The following HRH1 variants were observed in gnomAD, a reference collection of about 807,000 sequenced individuals.
The protein encoded by HRH1 is histamine receptor H1.
HRH1 carries 6 observed loss-of-function variants against 10.3 expected under a neutral mutation model. The observed-to-expected ratio is 0.58, with a 90% CI of 0.32 to 1.15. HRH1 has a LOEUF of 1.15. Ranked by LOEUF, HRH1 falls within the 50% of genes most tolerant of loss-of-function variation. The pLI is 0.05. For missense variants in HRH1, 514 were observed against 615.3 expected (o/e 0.84, Z 1.74); for synonymous variants, 242 against 236.7 (o/e 1.02, Z -0.21).
At chr3:11,224,715 A>C (rs1187037963) in intron 1 of HRH1, among the ~76,000 whole-genome samples, 2 of 149,592 alleles carry the variant, frequency 1.3e-5, no homozygotes, top group African/African-American at 2.4e-5. Flanking sequence ...AAAAAAAAAA[A>C]AGAAATTGGA....
intron 1 of HRH1, among the ~76,000 whole-genome samples, chr3:11,205,383 T>C (rs1283709739): frequency 6.6e-6 from 1 of 152,174 alleles, no homozygotes; most frequent in Non-Finnish European, 1.5e-5. Flanking sequence ...AGCAGTTCTC[T>C]GGAAACAGAC....
intron 1 of HRH1, among the ~76,000 whole-genome samples, chr3:11,179,005 C>CG (rs530460458): frequency 2.1e-4 from 32 of 152,088 alleles, no homozygotes; most frequent in Non-Finnish European, 3.7e-4. Context: ...GAAAGTCAGC[C>CG]GGGGGGACAC....
At chr3:11,248,779 C>T (rs1278026326) in intron 1 of HRH1, among the ~76,000 whole-genome samples, 8 of 152,224 alleles carry the variant, frequency 5.3e-5, no homozygotes, top group Non-Finnish European at 1.0e-4. Context: ...CTTTTGACTT[C>T]AGGGAACAGC....
intron 1 of HRH1, among the ~76,000 whole-genome samples, chr3:11,166,465 G>A (rs1022515080): frequency 2.0e-5 from 3 of 152,236 alleles, no homozygotes; most frequent in African/African-American, 7.2e-5. Flanking sequence ...GAGCAGACAA[G>A]CATTCCTGCC....
intron 1 of HRH1, among the ~76,000 whole-genome samples, chr3:11,249,424 A>G (rs951601935): frequency 3.4e-5 from 5 of 146,264 alleles, no homozygotes; most frequent in African/African-American, 1.0e-4. Context: ...AAAAAAAAAA[A>G]GAGGATTTAG....
At chr3:11,256,616 T>G (rs1939789842) in intron 1 of HRH1, among the ~76,000 whole-genome samples, 1 of 151,910 alleles carries the variant, frequency 6.6e-6, no homozygotes, top group African/African-American at 2.4e-5. Context: ...CTGGCTGATA[T>G]GGTGAAACCC....
In HRH1 at chr3:11,243,719, C is replaced by T. The variant is rs145054626; in HGVS notation, c.-35-15284C>T. On this transcript the variant is annotated intron_variant, in intron 1 of 1. Coordinates refer to ENST00000431010, the MANE Select transcript of HRH1 (RefSeq NM_001098212.2). ...AGCCTTAAATACCTCTTTCTTCCTG[C>T]TGGAGAAATTCCACCCATCCTTCAA... Among the ~76,000 whole-genome samples the T allele has an allele frequency of 1.1e-4, 17 of 152,270 alleles. No individual in the cohort carries two copies. The South Asian group carries it at 2.3e-3, about 20-fold the overall frequency.
chr3:11,151,384 A>C (rs1307794255), upstream of HRH1, among the ~76,000 whole-genome samples: 1 of 152,232 alleles, frequency 6.6e-6, no homozygotes, highest in African/African-American at 2.4e-5. Flanking sequence ...GAAGCATCTG[A>C]ATCCAGGCCT....
chr3:11,215,332 C>A (rs1159477020), intron 1 of HRH1, among the ~76,000 whole-genome samples: 1 of 152,222 alleles, frequency 6.6e-6, no homozygotes, highest in Non-Finnish European at 1.5e-5. Flanking sequence ...TTGGAAACAA[C>A]TAACTTGGGA....
chr3:11,157,615 G>A (rs1003425541), intron 1 of HRH1, among the ~76,000 whole-genome samples: 1 of 152,228 alleles, frequency 6.6e-6, no homozygotes, highest in Non-Finnish European at 1.5e-5. Context: ...CTGTCGGAGG[G>A]GGGGCCAGGA....
At position 11,163,818 on chromosome 3, in the gene HRH1, G is replaced by C. The variant is rs1936974831; in HGVS notation, c.-36+9264G>C. 2.6e-5 allele frequency among the ~76,000 whole-genome samples: 4 copies of C among 152,018 alleles called. No homozygotes were observed. The South Asian group carries it at 8.3e-4, about 32-fold the overall frequency. On this transcript the variant is annotated intron_variant, in intron 1 of 1. Coordinates refer to ENST00000431010, the MANE Select transcript of HRH1 (RefSeq NM_001098212.2). The stretch of plus-strand genomic sequence containing the variant: ...TTTTCACCTCATTCTTCAGGACTCA[G>C]AGGTATTCTCTTCCAGGAAGTCTTC...
At chr3:11,197,086 C>T (rs1371359457) in intron 1 of HRH1, among the ~76,000 whole-genome samples, 1 of 147,874 alleles carries the variant, frequency 6.8e-6, no homozygotes, top group African/African-American at 2.5e-5. Context: ...GATCGCGCCA[C>T]TGCACTCTAG....
chr3:11,188,862 T>G (rs1243811059), intron 1 of HRH1, among the ~76,000 whole-genome samples: 2 of 152,182 alleles, frequency 1.3e-5, no homozygotes, highest in Non-Finnish European at 2.9e-5. Flanking sequence ...TGTTAACAGA[T>G]CAGGTCCACA....
At chr3:11,180,179 C>T (rs1937325890) in intron 1 of HRH1, among the ~76,000 whole-genome samples, 1 of 152,132 alleles carries the variant, frequency 6.6e-6, no homozygotes, top group Non-Finnish European at 1.5e-5. Flanking sequence ...ACCATCACCA[C>T]TATCTAATTT....
intron 1 of HRH1, among the ~76,000 whole-genome samples, chr3:11,209,118 G>A (rs1360253371): frequency 1.3e-5 from 2 of 152,130 alleles, no homozygotes; most frequent in Non-Finnish European, 2.9e-5. Context: ...TTTTTTAAGA[G>A]TCTTGCTCTG....
rs76658852 is a variant in HRH1 at position 11,229,915 on chromosome 3, T to C, written c.-35-29088T>C. The stretch of plus-strand genomic sequence containing the variant: ...AGCAAGAATTATAATGGGAATAAGT[T>C]AGTAACTGAAGGAGAAAAATGTGGA... On this transcript the variant is annotated intron_variant, in intron 1 of 1. Coordinates refer to ENST00000431010, the MANE Select transcript of HRH1 (RefSeq NM_001098212.2). 4.6e-3 allele frequency among the ~76,000 whole-genome samples: 703 copies of C among 152,296 alleles called. 4 individuals are homozygous for C. Among genetic ancestry groups the C allele is most frequent in the African/African-American group, 0.016 (663 of 41,552 alleles).
chr3:11,225,827 G>A (rs1466909150), intron 1 of HRH1, among the ~76,000 whole-genome samples: 1 of 152,240 alleles, frequency 6.6e-6, no homozygotes, highest in African/African-American at 2.4e-5. Context: ...TGGGATTACA[G>A]GCATGAGCCA....
intron 1 of HRH1, among the ~76,000 whole-genome samples, chr3:11,179,785 T>A (rs530578940): frequency 1.3e-5 from 2 of 150,060 alleles, no homozygotes; most frequent in South Asian, 4.2e-4. Context: ...TTTTTTTTTT[T>A]ATAGAGACAA....
intron 1 of HRH1, among the ~76,000 whole-genome samples, chr3:11,161,475 G>GTC (rs1936920867): frequency 1.3e-5 from 2 of 152,206 alleles, no homozygotes; most frequent in South Asian, 4.1e-4. Flanking sequence ...CACACCTGTG[G>GTC]TCTGGAGAGT....
Sources: allele counts gnomAD v4.1 joint callset (sites outside exome capture counted in the v4.1 genomes callset), GRCh38; gene constraint gnomAD v4.1.1; transcripts MANE v1.5; gene names NCBI Gene and HGNC (gene_info 2026-07-23, HGNC 2026-07-21).